PTBP2: variants seen among roughly 807,000 people sequenced by gnomAD.
PTBP2 encodes polypyrimidine tract binding protein 2.
Under a neutral mutation model 61.4 loss-of-function variants are expected in PTBP2, and 13 were observed. The observed-to-expected ratio is 0.21, with a 90% confidence interval of 0.14 to 0.34. The LOEUF is 0.34. Ranked by LOEUF, PTBP2 falls within the 10% of genes least tolerant of loss-of-function variation. The pLI is 1.00. For synonymous variants in PTBP2, 215 were observed against 218.5 expected, an observed-to-expected ratio of 0.98 and a Z score of 0.14; for missense variants, 405 against 642.6, an observed-to-expected ratio of 0.63 and a Z score of 4.00.
downstream of PTBP2, chr1:96,818,927 T>G (rs1662580043): frequency 6.6e-6 from 1 of 151,970 alleles, no homozygotes; most frequent in South Asian, 2.1e-4. Context: ...AATCCAGTCT[T>G]CAATGTATAA....
At chr1:96,765,064 A>G (rs1011322230) in intron 3 of PTBP2, among the ~76,000 whole-genome samples, 1 of 152,056 alleles carries the variant, frequency 6.6e-6, no homozygotes, top group Non-Finnish European at 1.5e-5. Flanking sequence ...TCTTCTTTGG[A>G]ATTTGTTTCT....
intron 2 of PTBP2, chr1:96,749,569 T>G (rs1557706356): frequency 2.3e-6 from 1 of 438,406 alleles, no homozygotes; most frequent in South Asian, 1.6e-5. Context: ...ATGGAAGAGC[T>G]GGCTTTATTT....
intron 11 of PTBP2, among the ~76,000 whole-genome samples, chr1:96,811,649 C>T (rs1180900963): frequency 6.6e-6 from 1 of 152,100 alleles, no homozygotes; most frequent in Non-Finnish European, 1.5e-5. Flanking sequence ...ACTCCTAGAC[C>T]TTGTGATCCG....
At chr1:96,808,412 C>T (rs1276501417) in intron 11 of PTBP2, among the ~76,000 whole-genome samples, 1 of 152,034 alleles carries the variant, frequency 6.6e-6, no homozygotes, top group Non-Finnish European at 1.5e-5. Context: ...GTGGCCTTTC[C>T]ACTGTGCAAG....
At chr1:96,735,348 G>GT (rs1201698787) in intron 2 of PTBP2, among the ~76,000 whole-genome samples, 1 of 152,160 alleles carries the variant, frequency 6.6e-6, no homozygotes, top group Admixed American at 6.5e-5. Flanking sequence ...GGACAAGAAT[G>GT]TTTTCTTGTC....
chr1:96,775,427 A>C (rs1418226786), intron 5 of PTBP2, among the ~76,000 whole-genome samples: 1 of 152,204 alleles, frequency 6.6e-6, no homozygotes, highest in African/African-American at 2.4e-5. Context: ...TGTTGTATTC[A>C]TTTAGTGGAA....
intron 2 of PTBP2, among the ~76,000 whole-genome samples, chr1:96,735,514 T>TA (rs1332420499): frequency 3.9e-5 from 6 of 152,294 alleles, no homozygotes; most frequent in Middle Eastern, 3.4e-3. Context: ...GGAAAAGACT[T>TA]ATGCTGAAAG....
At position 96,723,589 on chromosome 1, in the gene PTBP2, G is replaced by A. The variant is rs756862616; in HGVS notation, c.34G>A (p.Val12Met). 32 of 1,564,274 alleles carry A rather than the reference G, an allele frequency of 2.0e-5. No homozygotes were observed. Among genetic ancestry groups the A allele is most frequent in the South Asian group, 1.3e-4 (11 of 83,284 alleles). The change falls in exon 2 of 14, where the codon GTG becomes ATG. Residue 12 changes from valine to methionine, a missense_variant. Coordinates refer to ENST00000674951, the MANE Select transcript of PTBP2 (RefSeq NM_021190.4). Reference sequence around the variant, plus strand: ...AATCGTCACTGAGGTTGCAGTTGGCGTGAAGGTAGGAAAATACTATGTTTG... The same window carrying A: ...AATCGTCACTGAGGTTGCAGTTGGCATGAAGGTAGGAAAATACTATGTTTG... ...DGIVTEVAVG[V>M]KRGSDELLSG... is the part of the protein sequence containing the mutation.
At chr1:96,801,564 C>G (rs188244223) in intron 8 of PTBP2, among the ~76,000 whole-genome samples, 1 of 152,014 alleles carries the variant, frequency 6.6e-6, no homozygotes, top group African/African-American at 2.4e-5. Context: ...TTAAAAAGTT[C>G]GTGGTTTTGG....
rs1428257581 is a variant in PTBP2 at position 96,723,507 on chromosome 1, AGAGT to A, written c.9-50_9-47del. The A allele has an allele frequency of 1.6e-5, 24 of 1,478,054 alleles. No homozygotes were observed. The African/African-American group carries it at 3.2e-4, about 20-fold the overall frequency. 91.6% of individuals were successfully genotyped at this position (1,478,054 alleles called of 1,614,324 possible). ...CTATCCTAAAAAGTTTTAGAGCCAA[AGAGT>A]GAGTGATTAGAAGAATAACAGGAGG... On this transcript the variant is annotated intron_variant, in intron 1 of 13. Transcript: ENST00000674951.
chr1:96,791,935 G>A (rs1165640945), intron 8 of PTBP2, among the ~76,000 whole-genome samples: 1 of 146,994 alleles, frequency 6.8e-6, no homozygotes, highest in Non-Finnish European at 1.5e-5. Flanking sequence ...CTGGGTTCAC[G>A]CCATTCTCCT....
chr1:96,748,186 ATGTT>A (rs2100895207), intron 2 of PTBP2, among the ~76,000 whole-genome samples: 1 of 152,170 alleles, frequency 6.6e-6, no homozygotes, highest in Admixed American at 6.5e-5. Flanking sequence ...ACAGGAGAAA[ATGTT>A]TGGTTAGTTC....
intron 8 of PTBP2, among the ~76,000 whole-genome samples, chr1:96,796,394 G>A (rs1660394035): frequency 6.6e-6 from 1 of 152,074 alleles, no homozygotes; most frequent in Non-Finnish European, 1.5e-5. Context: ...TCTTTATGAA[G>A]CAAGGGAGAA....
chr1:96,810,792 T>C (rs921041888), intron 11 of PTBP2, among the ~76,000 whole-genome samples: 2 of 152,350 alleles, frequency 1.3e-5, no homozygotes, highest in Non-Finnish European at 1.5e-5. Flanking sequence ...AAAATAGTTA[T>C]AGAACTTTAA....
At chr1:96,777,286 G>T (rs1328998691) in intron 5 of PTBP2, among the ~76,000 whole-genome samples, 1 of 152,102 alleles carries the variant, frequency 6.6e-6, no homozygotes, top group Admixed American at 6.6e-5. Flanking sequence ...GATGGTACAT[G>T]TATTTATAAA....
chr1:96,779,180 CTTT>C (rs924808102), intron 7 of PTBP2, among the ~76,000 whole-genome samples: 1 of 151,146 alleles, frequency 6.6e-6, no homozygotes, highest in East Asian at 1.9e-4. Flanking sequence ...AATTAGAATT[CTTT>C]TTTTTTGTCC....
chr1:96,823,396 A>G (rs1662743706), exon 14 of PTBP2: 1 of 152,212 alleles, frequency 6.6e-6, no homozygotes, highest in South Asian at 2.1e-4. Context: ...TTTGAGAATC[A>G]CTAAGATACA....
At chr1:96,741,538 AG>A (rs1316725129) in intron 2 of PTBP2, among the ~76,000 whole-genome samples, 1 of 152,188 alleles carries the variant, frequency 6.6e-6, no homozygotes, top group Non-Finnish European at 1.5e-5. Flanking sequence ...CTGAGATTAC[AG>A]GCGTGAGTCG....
rs112359220 is a variant in PTBP2 at position 96,741,040 on chromosome 1, G to A, written c.40-10385G>A. ...TAATTATATTAATTATACTGTTAGC[G>A]CTGCATGTAGATTCTTGTTTCTATA... On this transcript the variant is annotated intron_variant, in intron 2 of 13. Transcript: ENST00000674951. Among the ~76,000 whole-genome samples the A allele has an allele frequency of 7.4e-3, 1,127 of 151,596 alleles. 8 individuals carry two copies. The highest frequency in any genetic ancestry group is 0.014 in the Middle Eastern group (4 of 294).
Sources: gnomAD v4.1 joint callset for allele counts (sites outside exome capture counted in the v4.1 genomes callset) on GRCh38, gnomAD v4.1.1 for gene constraint, MANE v1.5 for transcripts, NCBI Gene and HGNC (gene_info 2026-07-23, HGNC 2026-07-21) for gene names.